TMEM52: variants seen among roughly 807,000 people sequenced by gnomAD.
TMEM52 encodes the protein transmembrane protein 52.
TMEM52 carries 14 observed loss-of-function variants against 16.2 expected under a neutral mutation model. The observed-to-expected ratio is 0.87, with a 90% CI of 0.57 to 1.35. The LOEUF (loss-of-function observed/expected upper bound fraction) is 1.35. Ranked by LOEUF, TMEM52 falls within the 40% of genes most tolerant of loss-of-function variation. TMEM52 has a pLI of 0.00. For missense variants in TMEM52, 309 were observed against 278.6 expected (o/e 1.11, Z -0.78); for synonymous variants, 136 against 124.7 (o/e 1.09, Z -0.60).
At position 1,918,280 on chromosome 1, in the gene TMEM52, C is replaced by T; in HGVS notation, c.322G>A (p.Asp108Asn). 6.2e-7 allele frequency: 1 copy of T among 1,612,816 alleles called. No homozygotes were observed. The highest frequency in any genetic ancestry group is 8.5e-7 in the Non-Finnish European group (1 of 1,179,972). Reference protein sequence around the residue: ...CDVAVIPMDSDSPVHSTVTSY... With the variant: ...CDVAVIPMDSNSPVHSTVTSY... ...GTCACAGTGCTGTGTACAGGGCTGTCACTGTCCATAGGGATGACTGCCACG... is the reference window on the plus strand; with the variant it reads ...GTCACAGTGCTGTGTACAGGGCTGTTACTGTCCATAGGGATGACTGCCACG... Residue 108 changes from aspartate (D) to asparagine (N), a missense_variant, in exon 4 of 5, where the codon GAC becomes AAC. Coordinates refer to ENST00000310991, the MANE Select transcript of TMEM52 (RefSeq NM_178545.4).
Position 1,917,905 on chromosome 1 carries a change from G to T in TMEM52, c.607C>A (p.Pro203Thr). The T allele has an allele frequency of 1.2e-6, 2 of 1,613,704 alleles. No homozygotes were observed. Among genetic ancestry groups the T allele is most frequent in the South Asian group, 1.1e-5 (1 of 91,084 alleles). The change falls in exon 5 of 5, where the codon CCT becomes ACT. Residue 203 changes from proline to threonine, a missense_variant. By Grantham distance (38) the Pro-to-Thr change is conservative (BLOSUM62 -1). Coordinates refer to ENST00000310991, the MANE Select transcript of TMEM52 (RefSeq NM_178545.4). The stretch of plus-strand genomic sequence containing the variant: ...CTTCAAGGGGCACCAGGGCTACAAG[G>T]TGGTAGTTGAGTATTGGGGCCCGAC... ...QESGPNTQLP[P>T]CSPGAP
At position 1,917,886 on chromosome 1, in the gene TMEM52, G is replaced by A. The variant is rs1388005506; in HGVS notation, c.626C>T (p.Pro209Leu). ...TQLPPCSPGA[P>L] ...TGGTCCGTTCTCCTACCTCCTTCAAGGGGCACCAGGGCTACAAGGTGGTAG... is the reference window on the plus strand; with the variant it reads ...TGGTCCGTTCTCCTACCTCCTTCAAAGGGCACCAGGGCTACAAGGTGGTAG... Residue 209 changes from proline (P) to leucine (L), a missense_variant, in exon 5 of 5, where the codon CCT becomes CTT. Physicochemically the swap from Pro to Leu is moderately conservative, Grantham distance 98 (BLOSUM62 -3). Coordinates refer to ENST00000310991, the MANE Select transcript of TMEM52 (RefSeq NM_178545.4). 1.2e-6 allele frequency: 2 copies of A among 1,612,520 alleles called. No individual in the cohort carries two copies. The highest frequency in any genetic ancestry group is 1.7e-6 in the Non-Finnish European group (2 of 1,179,180).
chr1:1,917,897 G>C lies in TMEM52; in HGVS notation c.615C>G (p.Ser205Arg). ...CCTACCTCCTTCAAGGGGCACCAGGGCTACAAGGTGGTAGTTGAGTATTGG... is the reference window on the plus strand; with the variant it reads ...CCTACCTCCTTCAAGGGGCACCAGGCCTACAAGGTGGTAGTTGAGTATTGG... The part of the protein sequence containing the change: ...SGPNTQLPPC[S>R]PGAP Residue 205 changes from serine (S) to arginine (R), a missense_variant, in exon 5 of 5, where the codon AGC becomes AGG. Physicochemically the swap from Ser to Arg is moderately radical, Grantham distance 110 (BLOSUM62 -1). Coordinates refer to ENST00000310991, the MANE Select transcript of TMEM52 (RefSeq NM_178545.4). The C allele has an allele frequency of 6.2e-7, 1 of 1,613,438 alleles. No homozygotes were observed. Among genetic ancestry groups the C allele is most frequent in the East Asian group, 2.2e-5 (1 of 44,872 alleles).
rs143409435 is a variant in TMEM52, at chr1:1,918,278, G to A, written c.324C>T (p.Asp108=). 3.7e-5 allele frequency: 59 copies of A among 1,612,830 alleles called. No homozygotes were observed. The highest frequency in any genetic ancestry group is 3.3e-4 in the Middle Eastern group (2 of 6,062). Residue 108 remains aspartate, a synonymous_variant, in exon 4 of 5, where the codon GAC becomes GAT. Transcript: ENST00000310991. The part of the protein sequence containing the change: ...CDVAVIPMDS[D]SPVHSTVTSY... ...AGGTCACAGTGCTGTGTACAGGGCTGTCACTGTCCATAGGGATGACTGCCA... is the reference window on the plus strand; with the variant it reads ...AGGTCACAGTGCTGTGTACAGGGCTATCACTGTCCATAGGGATGACTGCCA...
rs777529574 is a variant in TMEM52, at chr1:1,917,854, C to T, written c.*28G>A. On this transcript the variant is annotated 3_prime_UTR_variant, in exon 5 of 5. Coordinates refer to ENST00000310991, the MANE Select transcript of TMEM52 (RefSeq NM_178545.4). Reference sequence around the variant, plus strand: ...CCCTTGGCTCCAAGCATTAGTTCTCCAAGCTCTGGTCCGTTCTCCTACCTC... The same window carrying T: ...CCCTTGGCTCCAAGCATTAGTTCTCTAAGCTCTGGTCCGTTCTCCTACCTC... 5.0e-6 allele frequency: 8 copies of T among 1,600,966 alleles called. No homozygotes were observed. Among genetic ancestry groups the T allele is most frequent in the African/African-American group, 1.3e-5 (1 of 74,430 alleles).
At position 1,918,170 on chromosome 1, in the gene TMEM52, G is replaced by A. The variant is rs773005439; in HGVS notation, c.350-8C>T. 6 of 1,609,844 alleles carry A rather than the reference G, an allele frequency of 3.7e-6. No homozygotes were observed. The highest frequency in any genetic ancestry group is 3.3e-5 in the Admixed American group (2 of 59,978). On this transcript the variant is annotated splice_polypyrimidine_tract_variant and splice_region_variant and intron_variant, in intron 4 of 4. Coordinates refer to ENST00000310991, the MANE Select transcript of TMEM52 (RefSeq NM_178545.4). The stretch of plus-strand genomic sequence containing the variant: ...ACTGCACGGAGCTGTAGGCTGCAGG[G>A]AACCAGAGTGGGTTCGTGGAGGCGG...
rs767573496 is a variant in TMEM52, at chr1:1,919,182, C to T, written c.84G>A (p.Gln28=). Residue 28 remains glutamine, a splice_region_variant and synonymous_variant, in exon 1 of 5, where the codon CAG becomes CAA. Transcript: ENST00000310991. ...CGAGAGAGAACGCCGCCCGACCCAC[C>T]TGCGGCAGCGGCAGGAGCGGCAGGA... ...LPLLPLLPLP[Q]VALGFADGSC... The T allele has an allele frequency of 2.5e-5, 34 of 1,366,788 alleles. No homozygotes were observed. The highest frequency in any genetic ancestry group is 3.2e-5 in the Non-Finnish European group (34 of 1,067,830). 84.7% of individuals were successfully genotyped at this position (1,366,788 alleles called of 1,614,324 possible). A position where few individuals can be genotyped will look rare whatever the true frequency, so the allele number is the denominator to read the frequency against.
Position 1,919,056 on chromosome 1 carries a change from G to A in TMEM52, c.117C>T (p.Asp39=). ...CCCCCCCGACTTACTGGTCCGAGGG[G>A]TCGCAGCTGCCGTCCGCGAAGCCCA... ...VALGFADGSC[D]PSDQCPPQAR... is the part of the protein sequence containing the mutation. Residue 39 remains aspartate (D), a synonymous_variant, in exon 2 of 5, where the codon GAC becomes GAT. Coordinates refer to ENST00000310991, the MANE Select transcript of TMEM52 (RefSeq NM_178545.4). The A allele has an allele frequency of 7.5e-7, 1 of 1,339,486 alleles. No homozygotes were observed. The highest frequency in any genetic ancestry group is 1.9e-5 in the South Asian group (1 of 51,564). The allele number at this position is 1,339,486 out of a possible 1,614,324, so 83.0% of individuals were successfully genotyped here.
rs1429069547 is a variant in TMEM52, at chr1:1,918,001, G to A, written c.511C>T (p.Pro171Ser). The A allele has an allele frequency of 1.2e-6, 2 of 1,613,976 alleles. No homozygotes were observed. The highest frequency in any genetic ancestry group is 4.5e-5 in the East Asian group (2 of 44,884). Reference protein sequence around the residue: ...VKMAKPREEGPALSQKPSPLL... With the variant: ...VKMAKPREEGSALSQKPSPLL... ...GGGCTGGGTTTCTGGGAGAGTGCTGGTCCTTCCTCTCTGGGCTTGGCCATC... is the reference window on the plus strand; with the variant it reads ...GGGCTGGGTTTCTGGGAGAGTGCTGATCCTTCCTCTCTGGGCTTGGCCATC... Residue 171 changes from proline (P) to serine (S), a missense_variant, in exon 5 of 5, where the codon CCA (proline) becomes TCA (serine). Pro to Ser is a moderately conservative substitution (Grantham distance 74). Coordinates refer to ENST00000310991, the MANE Select transcript of TMEM52 (RefSeq NM_178545.4).
At chr1:1,918,849 C>T (rs936782673) in intron 3 of TMEM52, 44 bp downstream of exon 3, 26 of 1,488,978 alleles carry the variant, frequency 1.7e-5, no homozygotes, top group Non-Finnish European at 2.2e-5. Flanking sequence ...TGACCCCCGC[C>T]CCAGAACCGT....
intron 1 of TMEM52, 30 bp from the exon 2 acceptor site, chr1:1,919,118 G>T: frequency 1.5e-6 from 2 of 1,355,910 alleles, no homozygotes; most frequent in African/African-American, 1.5e-5. Context: ...CCCGGGAGGG[G>T]CGTGGTCCGA....
rs771211147 is a variant in TMEM52 at position 1,918,085 on chromosome 1, G to A, written c.427C>T (p.Pro143Ser). Residue 143 changes from proline (P) to serine (S), a missense_variant, in exon 5 of 5, where the codon CCT becomes TCT. Coordinates refer to ENST00000310991, the MANE Select transcript of TMEM52 (RefSeq NM_178545.4). ...FGELDLDSMA[P>S]PAYSLYTPEP... ...GGGGTGTACAGGCTGTAGGCAGGAGGAGCCATGGAGTCCAGGTCCAGCTCC... is the reference window on the plus strand; with the variant it reads ...GGGGTGTACAGGCTGTAGGCAGGAGAAGCCATGGAGTCCAGGTCCAGCTCC... 8 of 1,613,094 alleles carry A rather than the reference G, an allele frequency of 5.0e-6. No homozygotes were observed. The African/African-American group carries it at 8.0e-5, about 16-fold the overall frequency.
intron 3 of TMEM52, chr1:1,918,690 G>T: frequency 1.4e-6 from 1 of 702,914 alleles, no homozygotes; most frequent in Non-Finnish European, 2.4e-6. Flanking sequence ...CCACTGCTGA[G>T]CGGGATCGTA....
At position 1,917,807 on chromosome 1, in the gene TMEM52, G is replaced by C; in HGVS notation, c.*75C>G. On this transcript the variant is annotated 3_prime_UTR_variant, in exon 5 of 5. Transcript: ENST00000310991. ...CGAGGTTGGGGCCACAGCAATGTGT[G>C]GGACGGTGGGGTGGGCTGGGGCCCT... 6.7e-7 allele frequency: 1 copy of C among 1,502,326 alleles called. No individual in the cohort carries two copies. The allele number at this position is 1,502,326 out of a possible 1,614,324, so 93.1% of individuals were successfully genotyped here.
rs760881124 is a variant in TMEM52, at chr1:1,918,074, G to A, written c.438C>T (p.Tyr146=). 1 of 1,613,334 alleles carries A rather than the reference G, an allele frequency of 6.2e-7. No individual in the cohort carries two copies. The highest frequency in any genetic ancestry group is 2.2e-5 in the East Asian group (1 of 44,878). Residue 146 remains tyrosine, a synonymous_variant, in exon 5 of 5, where the codon TAC becomes TAT. Coordinates refer to ENST00000310991, the MANE Select transcript of TMEM52 (RefSeq NM_178545.4). ...LDLDSMAPPA[Y]SLYTPEPPPS... ...GTGGAGGCTCCGGGGTGTACAGGCT[G>A]TAGGCAGGAGGAGCCATGGAGTCCA...
At position 1,917,889 on chromosome 1, in the gene TMEM52, G is replaced by T. The variant is rs769323175; in HGVS notation, c.623C>A (p.Ala208Asp). Residue 208 changes from alanine (A) to aspartate (D), a missense_variant, in exon 5 of 5, where the codon GCC becomes GAC. Transcript: ENST00000310991. ...TCCGTTCTCCTACCTCCTTCAAGGG[G>T]CACCAGGGCTACAAGGTGGTAGTTG... Reference protein sequence around the residue: ...NTQLPPCSPGAP With the variant: ...NTQLPPCSPGDP 6.2e-7 allele frequency: 1 copy of T among 1,612,904 alleles called. No individual in the cohort carries two copies.
rs1422636025 is a variant in TMEM52 at position 1,918,143 on chromosome 1, G to A, written c.369C>T (p.Tyr123=). ...GCAGGGGCAACCGCATGCCCAGTGG[G>A]TACTGCACGGAGCTGTAGGCTGCAG... is the stretch of plus-strand genomic sequence containing the variant. ...STVTSYSSVQ[Y]PLGMRLPLPF... is the part of the protein sequence containing the mutation. Residue 123 remains tyrosine (Y), a synonymous_variant, in exon 5 of 5, where the codon TAC becomes TAT. Transcript: ENST00000310991. The A allele has an allele frequency of 6.2e-7, 1 of 1,613,208 alleles. No individual in the cohort carries two copies. The highest frequency in any genetic ancestry group is 8.5e-7 in the Non-Finnish European group (1 of 1,179,954).
rs753339432 is a variant in TMEM52 at position 1,918,256 on chromosome 1, T to TCACA, written c.342_345dup (p.Thr116CysfsTer45). The TCACA allele has an allele frequency of 1.1e-5, 17 of 1,610,458 alleles. No individual in the cohort carries two copies. The highest frequency in any genetic ancestry group is 1.3e-5 in the African/African-American group (1 of 74,800). On this transcript the variant is annotated frameshift_variant, in exon 4 of 5. Transcript: ENST00000310991. LOFTEE classifies it low-confidence loss of function (END_TRUNC). The stretch of plus-strand genomic sequence containing the variant: ...TGGCGGGCCCCTAGGCACTCACAGG[T>TCACA]CACAGTGCTGTGTACAGGGCTGTCA...
chr1:1,918,970 T>G, intron 2 of TMEM52, 36 bp from the exon 3 acceptor site: 1 of 1,350,526 alleles, frequency 7.4e-7, no homozygotes, highest in Admixed American at 3.9e-5. Context: ...AGGCGGGGCA[T>G]GGGACGGCCG....
Sources: allele counts gnomAD v4.1 joint callset, GRCh38; gene constraint gnomAD v4.1.1; transcripts MANE v1.5; gene names NCBI Gene and HGNC (gene_info 2026-07-23, HGNC 2026-07-21).